USP25: variants seen among roughly 807,000 people sequenced by gnomAD.
USP25 encodes the protein ubiquitin specific peptidase 25.
In USP25, 85 loss-of-function variants were observed where a neutral mutation model predicts 158.5. The observed-to-expected ratio is 0.54, with a 90% confidence interval of 0.45 to 0.64. USP25 has a LOEUF of 0.64. Among genes scored for constraint, USP25 ranks in the 30% least tolerant of loss-of-function variants. The pLI is 0.00. For missense variants in USP25, 1,242 were observed against 1,327.3 expected, an observed-to-expected ratio of 0.94 and a Z score of 1.00; for synonymous variants, 464 against 460.4, an observed-to-expected ratio of 1.01 and a Z score of -0.10.
rs116861328 is a variant in USP25, at chr21:15,854,163, T to C, written c.2547+4291T>C. On this transcript the variant is annotated intron_variant, in intron 20 of 25. Coordinates refer to ENST00000400183, the MANE Select transcript of USP25 (RefSeq NM_001283041.3). ...TTGTTTTGTTTTGTTTTGTTTTGTT[T>C]GAGGCAAAGTCTCACTCTGTCGCCC... is the stretch of plus-strand genomic sequence containing the variant. Among the ~76,000 whole-genome samples, 111 of 152,200 alleles carry C rather than the reference T, an allele frequency of 7.3e-4. 1 individual carries two copies. Among genetic ancestry groups the C allele is most frequent in the African/African-American group, 2.5e-3 (102 of 41,546 alleles).
chr21:15,840,096 T>C (rs2038257526), intron 17 of USP25, among the ~76,000 whole-genome samples: 1 of 152,098 alleles, frequency 6.6e-6, no homozygotes, highest in Admixed American at 6.6e-5. Flanking sequence ...TAGCAGGGAT[T>C]TTATGAATCT....
intron 3 of USP25, among the ~76,000 whole-genome samples, chr21:15,777,389 T>G (rs1476199959): frequency 6.6e-6 from 1 of 151,312 alleles, no homozygotes; most frequent in African/African-American, 2.5e-5. Flanking sequence ...GCACATTCTT[T>G]CAGAATTTAA....
chr21:15,865,685 A>G (rs1011192784), intron 21 of USP25, among the ~76,000 whole-genome samples: 1 of 152,182 alleles, frequency 6.6e-6, no homozygotes, highest in East Asian at 1.9e-4. Context: ...GAGTAATCAC[A>G]TTGACTTTTC....
intron 20 of USP25, among the ~76,000 whole-genome samples, chr21:15,856,033 C>G (rs935087192): frequency 6.6e-6 from 1 of 152,132 alleles, no homozygotes; most frequent in East Asian, 1.9e-4. Flanking sequence ...TAATTTTTTT[C>G]TATCCTTCTG....
intron 20 of USP25, among the ~76,000 whole-genome samples, chr21:15,855,196 AC>A (rs1157026690): frequency 6.6e-6 from 1 of 152,074 alleles, no homozygotes; most frequent in Non-Finnish European, 1.5e-5. Context: ...GTATCAAAGT[AC>A]CCTTAGGGTT....
chr21:15,766,710 C>T lies in USP25; in HGVS notation c.268+569C>T, dbSNP rs1222950581. On this transcript the variant is annotated intron_variant, in intron 3 of 25. Coordinates refer to ENST00000400183, the MANE Select transcript of USP25 (RefSeq NM_001283041.3). The surrounding 1 kb of genome is among the most constrained non-coding windows in gnomAD (Gnocchi z 4.0). ...GATTCTATGTGGGACTTAAGTTTTT[C>T]TTCATAATATGAATACTTTATACTT... 6.6e-6 allele frequency among the ~76,000 whole-genome samples: 1 copy of T among 151,956 alleles called. No individual in the cohort carries two copies. The highest frequency in any genetic ancestry group is 1.9e-4 in the East Asian group (1 of 5,184).
Position 15,824,180 on chromosome 21 carries a change from T to TA in USP25, c.1208+15dup, listed in dbSNP as rs1394970362. On this transcript the variant is annotated intron_variant, in intron 11 of 25. Transcript: ENST00000400183. ...ATATTTGGACAGGTATGGTTTGATA[T>TA]ACTGCATGACTTAGTTTGAAACAGT... 1.2e-6 allele frequency: 2 copies of TA among 1,610,134 alleles called. No homozygotes were observed. Among genetic ancestry groups the TA allele is most frequent in the Non-Finnish European group, 1.7e-6 (2 of 1,179,464 alleles).
At chr21:15,815,759 A>G (rs1360188424) in intron 9 of USP25, among the ~76,000 whole-genome samples, 2 of 152,218 alleles carry the variant, frequency 1.3e-5, no homozygotes, top group Admixed American at 1.3e-4. Flanking sequence ...TTTTAGGTTC[A>G]GGTGAGAATC....
chr21:15,740,772 T>C (rs2031978507), intron 1 of USP25, among the ~76,000 whole-genome samples: 1 of 151,408 alleles, frequency 6.6e-6, no homozygotes, highest in Non-Finnish European at 1.5e-5. Flanking sequence ...CTTAAATATA[T>C]TAAGATTAGT....
Position 15,830,564 on chromosome 21 carries a change from C to T in USP25, c.1727C>T (p.Thr576Ile). ...GAAAGCATATCCAGAATCCATCGAACAATTGAATTAATGTACTCTGACAAA... is the reference window on the plus strand; with the variant it reads ...GAAAGCATATCCAGAATCCATCGAATAATTGAATTAATGTACTCTGACAAA... ...LQESISRIHR[T>I]IELMYSDKSM... The change falls in exon 15 of 26, where the codon ACA (threonine) becomes ATA (isoleucine). Residue 576 changes from threonine to isoleucine, a missense_variant. Around this residue, in one of 3 missense-constraint regions of USP25, gnomAD observed 627 missense variants for 701.4 expected, o/e 0.89. Coordinates refer to ENST00000400183, the MANE Select transcript of USP25 (RefSeq NM_001283041.3). The T allele has an allele frequency of 6.2e-7, 1 of 1,604,550 alleles. No individual in the cohort carries two copies. Among genetic ancestry groups the T allele is most frequent in the Non-Finnish European group, 8.5e-7 (1 of 1,175,802 alleles).
intron 20 of USP25, among the ~76,000 whole-genome samples, chr21:15,856,959 T>C (rs2039178870): frequency 6.6e-6 from 1 of 152,190 alleles, no homozygotes; most frequent in Non-Finnish European, 1.5e-5. Flanking sequence ...TTAATACATT[T>C]CCACCCACCA....
intron 6 of USP25, among the ~76,000 whole-genome samples, chr21:15,801,085 C>T (rs761261236): frequency 1.3e-5 from 2 of 151,498 alleles, no homozygotes; most frequent in Non-Finnish European, 3.0e-5. Context: ...CAGTTCTTCT[C>T]TCTTCTCATA....
At chr21:15,850,230 A>G (rs1330861479) in intron 20 of USP25, among the ~76,000 whole-genome samples, 3 of 151,992 alleles carry the variant, frequency 2.0e-5, no homozygotes, top group Non-Finnish European at 4.4e-5. Flanking sequence ...TTTTATCTTC[A>G]TTGTTCATAT....
At chr21:15,792,745 G>A (rs908478316) in intron 5 of USP25, among the ~76,000 whole-genome samples, 3 of 151,260 alleles carry the variant, frequency 2.0e-5, no homozygotes, top group African/African-American at 4.8e-5. Context: ...TGCTTCTGGT[G>A]CATAATATCA....
At chr21:15,777,249 A>C (rs908499827) in intron 3 of USP25, among the ~76,000 whole-genome samples, 13 of 152,148 alleles carry the variant, frequency 8.5e-5, no homozygotes, top group African/African-American at 3.1e-4. Context: ...ATCTTGTTTT[A>C]AATTAAAAGG....
At chr21:15,748,413 C>T (rs973988019) in intron 1 of USP25, among the ~76,000 whole-genome samples, 2 of 150,028 alleles carry the variant, frequency 1.3e-5, no homozygotes, top group African/African-American at 4.9e-5. Context: ...TCCCAAGTAG[C>T]TGGGACTACA....
intron 1 of USP25, among the ~76,000 whole-genome samples, chr21:15,734,225 C>G (rs146604819): frequency 6.6e-6 from 1 of 152,130 alleles, no homozygotes; most frequent in African/African-American, 2.4e-5. Flanking sequence ...CATAGATTAG[C>G]CAAGTTCAAG....
intron 5 of USP25, among the ~76,000 whole-genome samples, chr21:15,793,769 T>C (rs2035719305): frequency 6.6e-6 from 1 of 151,602 alleles, no homozygotes; most frequent in African/African-American, 2.4e-5. Flanking sequence ...GCAGAAAAAT[T>C]TGGCTAGAGA....
chr21:15,784,299 G>A (rs913575853), intron 4 of USP25, among the ~76,000 whole-genome samples: 3 of 152,324 alleles, frequency 2.0e-5, no homozygotes, highest in East Asian at 3.9e-4. Flanking sequence ...GTGGCTGGGC[G>A]TGGTGGCTCA....
Sources: allele counts gnomAD v4.1 joint callset (sites outside exome capture counted in the v4.1 genomes callset), GRCh38; gene constraint gnomAD v4.1.1; regional missense constraint gnomAD v4.1.1; non-coding constraint Gnocchi (gnomAD v3.1); transcripts MANE v1.5; gene names NCBI Gene and HGNC (gene_info 2026-07-23, HGNC 2026-07-21).